Variants in NEURL1 observed in about 807,000 individuals in gnomAD.
NEURL1 encodes neuralized E3 ubiquitin protein ligase 1, also known as E3 ubiquitin-protein ligase NEURL1.
NEURL1 carries 26 observed loss-of-function variants against 41.2 expected under a neutral mutation model. The ratio of observed to expected loss-of-function variants is 0.63; its 90% CI spans 0.46 to 0.87. The LOEUF is 0.87. Ranked by LOEUF, NEURL1 falls within the 40% of genes least tolerant of loss-of-function variation. The pLI is 0.00. For synonymous variants in NEURL1, 400 were observed against 402.3 expected (o/e 0.99, Z 0.07); for missense variants, 761 against 871.1 (o/e 0.87, Z 1.59).
chr10:103,543,727 A>G (rs913920758), intron 1 of NEURL1, among the ~76,000 whole-genome samples: 3 of 152,188 alleles, frequency 2.0e-5, no homozygotes, highest in Non-Finnish European at 4.4e-5. Context: ...ATTCCATCCC[A>G]GGGCATTGGG....
intron 1 of NEURL1, among the ~76,000 whole-genome samples, chr10:103,554,566 C>CA (rs1371990891): frequency 2.6e-5 from 4 of 152,132 alleles, no homozygotes; most frequent in South Asian, 4.1e-4. Context: ...CCAGCCTTGC[C>CA]ACCTTTTAGG....
chr10:103,525,334 T>TC (rs1468015602), intron 1 of NEURL1, among the ~76,000 whole-genome samples: 2 of 145,090 alleles, frequency 1.4e-5, no homozygotes, highest in Non-Finnish European at 3.1e-5. Flanking sequence ...GGTGGAGTTT[T>TC]TTTTCTTTCT....
chr10:103,565,362 G>A (rs546386605), intron 1 of NEURL1, among the ~76,000 whole-genome samples: 57 of 152,332 alleles, frequency 3.7e-4, no homozygotes, highest in Middle Eastern at 3.4e-3. Context: ...AGGCCGGGCC[G>A]GGCCTGGCAG....
chr10:103,531,449 A>G (rs1306146105), intron 1 of NEURL1, among the ~76,000 whole-genome samples: 1 of 152,118 alleles, frequency 6.6e-6, no homozygotes, highest in Non-Finnish European at 1.5e-5. Flanking sequence ...TATGTTGCCC[A>G]GGCTGGTCTT....
chr10:103,521,139 C>T (rs1355839811), intron 1 of NEURL1, among the ~76,000 whole-genome samples: 8 of 152,022 alleles, frequency 5.3e-5, no homozygotes, highest in Non-Finnish European at 1.0e-4. Context: ...ACCATTAGTC[C>T]GTTCTACCTT....
intron 1 of NEURL1, chr10:103,555,426 G>C: frequency 7.4e-7 from 1 of 1,355,608 alleles, no homozygotes; most frequent in Non-Finnish European, 9.8e-7. Context: ...AAGGCCCCGC[G>C]GATGCCTGCG....
intron 1 of NEURL1, among the ~76,000 whole-genome samples, chr10:103,546,250 G>A (rs1302568069): frequency 6.6e-6 from 1 of 152,182 alleles, no homozygotes; most frequent in African/African-American, 2.4e-5. Context: ...GCTGTTCTCA[G>A]GGGCAGCACT....
At chr10:103,530,844 T>G (rs1592200336) in intron 1 of NEURL1, among the ~76,000 whole-genome samples, 1 of 152,014 alleles carries the variant, frequency 6.6e-6, no homozygotes, top group Non-Finnish European at 1.5e-5. Flanking sequence ...CTGGCCATGA[T>G]TTCGGTTCTT....
At chr10:103,540,585 C>T (rs548417830) in intron 1 of NEURL1, among the ~76,000 whole-genome samples, 2 of 152,260 alleles carry the variant, frequency 1.3e-5, no homozygotes, top group African/African-American at 2.4e-5. Flanking sequence ...CCACCACGCC[C>T]AGCCTTCACA....
chr10:103,499,684 G>A (rs946866336), intron 1 of NEURL1, among the ~76,000 whole-genome samples: 1 of 151,950 alleles, frequency 6.6e-6, no homozygotes, highest in African/African-American at 2.4e-5. Context: ...GCCCAGGATG[G>A]TCTGGAACTC....
At position 103,578,165 on chromosome 10, in the gene NEURL1, GCCT is replaced by G. The variant is rs539509294; in HGVS notation, c.649+6348_649+6350del. ...CAGTTCTCAGCTTCTCTGTGCTTCA[GCCT>G]CCTCATTATTTGGGCATAATTATAC... On this transcript the variant is annotated intron_variant, in intron 3 of 5. Coordinates refer to ENST00000369780, the MANE Select transcript of NEURL1 (RefSeq NM_004210.5). Among the ~76,000 whole-genome samples the G allele has an allele frequency of 8.1e-4, 123 of 152,264 alleles. 1 individual carries two copies. Among genetic ancestry groups the G allele is most frequent in the African/African-American group, 2.7e-3 (113 of 41,542 alleles).
chr10:103,559,445 C>T (rs1409533251), intron 1 of NEURL1, among the ~76,000 whole-genome samples: 5 of 149,460 alleles, frequency 3.3e-5, no homozygotes, highest in South Asian at 2.2e-4. Context: ...GCCTGCTGGA[C>T]GGCAGGGCAG....
chr10:103,586,696 T>C (rs1352108121), intron 4 of NEURL1, among the ~76,000 whole-genome samples: 1 of 152,148 alleles, frequency 6.6e-6, no homozygotes, highest in Non-Finnish European at 1.5e-5. Flanking sequence ...ATAAAAAACA[T>C]TGGGGACTTC....
chr10:103,589,446 GACAGA>G (rs2035991224), intron 4 of NEURL1, 63 bp from the exon 5 acceptor site: 1 of 1,515,376 alleles, frequency 6.6e-7, no homozygotes, highest in Admixed American at 2.0e-5. Flanking sequence ...CACTGTGAGG[GACAGA>G]GCTTTCTCCA....
At chr10:103,562,796 G>GAT (rs1343053721) in intron 1 of NEURL1, among the ~76,000 whole-genome samples, 1 of 152,202 alleles carries the variant, frequency 6.6e-6, no homozygotes, top group African/African-American at 2.4e-5. Flanking sequence ...GAGAAAGGCA[G>GAT]ATATATAGGT....
At chr10:103,583,296 A>T (rs1001671499) in intron 3 of NEURL1, among the ~76,000 whole-genome samples, 21 of 152,190 alleles carry the variant, frequency 1.4e-4, no homozygotes, top group African/African-American at 5.1e-4. Flanking sequence ...TATCTACAGA[A>T]TTTAGTGAGA....
At position 103,511,142 on chromosome 10, in the gene NEURL1, CA is replaced by C. The variant is rs1397994459; in HGVS notation, c.85+16672del. On this transcript the variant is annotated intron_variant, in intron 1 of 5. Transcript: ENST00000369780. ...GGGGACATGCTTTCCAGGTCTAGGGCAATCTCTTCTGTGCTCTGAAAGGACA... is the reference window on the plus strand; with the variant it reads ...GGGGACATGCTTTCCAGGTCTAGGGCATCTCTTCTGTGCTCTGAAAGGACA... 4.4e-4 allele frequency among the ~76,000 whole-genome samples: 67 copies of C among 152,322 alleles called. 1 individual carries two copies. The highest frequency in any genetic ancestry group is 2.9e-5 in the Non-Finnish European group (2 of 68,032).
chr10:103,498,227 C>G (rs1221414843), intron 1 of NEURL1, among the ~76,000 whole-genome samples: 1 of 152,092 alleles, frequency 6.6e-6, no homozygotes, highest in Non-Finnish European at 1.5e-5. Context: ...TGGGCTACCT[C>G]CTTTTATTTT....
intron 1 of NEURL1, among the ~76,000 whole-genome samples, chr10:103,495,458 T>A (rs949351291): frequency 1.3e-5 from 2 of 152,188 alleles, no homozygotes; most frequent in African/African-American, 4.8e-5. Context: ...TCAAACACAT[T>A]TTCAGTGAGC....
Sources: gnomAD v4.1 joint callset for allele counts (sites outside exome capture counted in the v4.1 genomes callset) on GRCh38, gnomAD v4.1.1 for gene constraint, MANE v1.5 for transcripts, NCBI Gene and HGNC (gene_info 2026-07-23, HGNC 2026-07-21) for gene names.